ASIC2: variants seen among roughly 807,000 people sequenced by gnomAD.
The protein encoded by ASIC2 is acid-sensing ion channel 2.
In ASIC2, 25 loss-of-function variants were observed where a neutral mutation model predicts 57.3. The observed-to-expected ratio is 0.44, with a 90% CI of 0.32 to 0.61. The LOEUF is 0.61. ASIC2 is among the 20% of genes least tolerant of loss of function. ASIC2 has a pLI of 0.06. For missense variants in ASIC2, 641 were observed against 738.1 expected (o/e 0.87, Z 1.52); for synonymous variants, 319 against 307.5 (o/e 1.04, Z -0.39).
At chr17:33,884,387 G>T (rs1914776166) in intron 1 of ASIC2, among the ~76,000 whole-genome samples, 1 of 152,142 alleles carries the variant, frequency 6.6e-6, no homozygotes, top group South Asian at 2.1e-4. Context: ...ACTGTTGCTT[G>T]TTCCTGGATG....
At chr17:34,069,685 G>A (rs1049326982) in intron 1 of ASIC2, 2 of 152,352 alleles carry the variant, frequency 1.3e-5, no homozygotes, top group African/African-American at 4.8e-5. Context: ...GGAAGACTAA[G>A]CACATGTTAA....
At chr17:34,027,508 C>A (rs981419752) in intron 1 of ASIC2, among the ~76,000 whole-genome samples, 3 of 152,146 alleles carry the variant, frequency 2.0e-5, no homozygotes, top group East Asian at 1.9e-4. Flanking sequence ...ATCTTTTGCT[C>A]CCCAAACCAA....
chr17:33,031,681 T>G (rs1353085148), intron 3 of ASIC2, among the ~76,000 whole-genome samples: 1 of 152,160 alleles, frequency 6.6e-6, no homozygotes, highest in East Asian at 1.9e-4. Context: ...TACTAATCAG[T>G]TATGAGAGAG....
chr17:34,099,113 AGAGAGAGAG>A (rs1910660073), intron 1 of ASIC2, among the ~76,000 whole-genome samples: 1 of 36,100 alleles, frequency 2.8e-5, no homozygotes, highest in Admixed American at 4.1e-4. Flanking sequence ...AGAGAGAGAG[AGAGAGAGAG>A]AGAGAGAGAG....
chr17:33,879,659 G>A (rs561977325), intron 1 of ASIC2, among the ~76,000 whole-genome samples: 17 of 152,280 alleles, frequency 1.1e-4, no homozygotes, highest in Non-Finnish European at 2.1e-4. Flanking sequence ...AATAATGGGA[G>A]ACTTTAACAC....
At chr17:33,634,709 T>TC (rs1330925394) in intron 1 of ASIC2, 2 of 60,460 alleles carry the variant, frequency 3.3e-5, no homozygotes, top group African/African-American at 1.4e-4. Context: ...TTTCTTTCTT[T>TC]CTTTTTTTTT....
At chr17:33,320,372 T>C (rs565020577) in intron 1 of ASIC2, among the ~76,000 whole-genome samples, 110 of 152,304 alleles carry the variant, frequency 7.2e-4, no homozygotes, top group African/African-American at 2.6e-3. Flanking sequence ...TTCATTTTTA[T>C]TGCGATAGCT....
At chr17:34,137,474 G>A (rs1219589779) in intron 1 of ASIC2, among the ~76,000 whole-genome samples, 1 of 152,156 alleles carries the variant, frequency 6.6e-6, no homozygotes, top group African/African-American at 2.4e-5. Context: ...GATAATTAGT[G>A]TCCCTGTGGA....
intron 1 of ASIC2, among the ~76,000 whole-genome samples, chr17:33,647,927 C>G (rs1906797000): frequency 6.6e-6 from 1 of 152,140 alleles, no homozygotes; most frequent in African/African-American, 2.4e-5. Context: ...GGAGAAGGGT[C>G]CTGGATTCCA....
At chr17:33,465,149 G>A (rs1245235265) in intron 1 of ASIC2, among the ~76,000 whole-genome samples, 1 of 152,136 alleles carries the variant, frequency 6.6e-6, no homozygotes, top group Non-Finnish European at 1.5e-5. Context: ...CATATTTCAT[G>A]CTGGCTTCTA....
chr17:33,424,493 G>T (rs1911150119), intron 1 of ASIC2, among the ~76,000 whole-genome samples: 1 of 152,212 alleles, frequency 6.6e-6, no homozygotes, highest in Non-Finnish European at 1.5e-5. Flanking sequence ...TTAGTCTATG[G>T]CAGAGGCCCC....
chr17:33,315,170 G>A (rs1443692911), intron 1 of ASIC2, among the ~76,000 whole-genome samples: 2 of 152,160 alleles, frequency 1.3e-5, no homozygotes, highest in Non-Finnish European at 2.9e-5. Flanking sequence ...TAAATGTGAT[G>A]TGGTATGTCA....
intron 1 of ASIC2, among the ~76,000 whole-genome samples, chr17:33,800,974 G>A (rs1023058232): frequency 6.6e-6 from 1 of 152,140 alleles, no homozygotes; most frequent in Admixed American, 6.5e-5. Context: ...TCAAAGAAAA[G>A]GGTTTATTCT....
rs560831962 is a variant in ASIC2, at chr17:33,790,174, A to C, written c.555+365804T>G. ...TTTACTTTTCAAATGGCATTTTGCAAGATAGAATTCATGAAAATTCTTGAA... is the reference window on the plus strand; with the variant it reads ...TTTACTTTTCAAATGGCATTTTGCACGATAGAATTCATGAAAATTCTTGAA... On this transcript the variant is annotated intron_variant, in intron 1 of 9. Coordinates refer to the ASIC2 transcript ENST00000359872. Among the ~76,000 whole-genome samples the C allele has an allele frequency of 2.8e-4, 43 of 152,346 alleles. No homozygotes were observed. In the South Asian group the frequency reaches 8.5e-3, roughly 30 times the overall value.
At chr17:33,543,461 C>T (rs959777215) in intron 1 of ASIC2, among the ~76,000 whole-genome samples, 1 of 152,138 alleles carries the variant, frequency 6.6e-6, no homozygotes, top group African/African-American at 2.4e-5. Context: ...AAAGTACAGA[C>T]TGTAAATGGC....
intron 3 of ASIC2, among the ~76,000 whole-genome samples, chr17:33,051,038 A>G (rs1364881780): frequency 1.3e-5 from 2 of 152,126 alleles, no homozygotes; most frequent in Non-Finnish European, 2.9e-5. Flanking sequence ...GCCCTGCACT[A>G]CTATCCTATA....
intron 1 of ASIC2, among the ~76,000 whole-genome samples, chr17:33,764,869 C>T (rs1023381719): frequency 7.2e-5 from 11 of 152,128 alleles, no homozygotes; most frequent in Admixed American, 4.6e-4. Context: ...GATACATTCA[C>T]GTGCCTGACT....
At chr17:33,056,707 G>A (rs1019897543) in intron 3 of ASIC2, among the ~76,000 whole-genome samples, 1 of 152,178 alleles carries the variant, frequency 6.6e-6, no homozygotes, top group Non-Finnish European at 1.5e-5. Flanking sequence ...AAATTAATGA[G>A]CAGAATAGGC....
intron 1 of ASIC2, among the ~76,000 whole-genome samples, chr17:33,362,455 G>A (rs1567836010): frequency 6.6e-6 from 1 of 152,234 alleles, no homozygotes; most frequent in Non-Finnish European, 1.5e-5. Flanking sequence ...CTGAAACCAG[G>A]AAGGTCAGGT....
Sources: gnomAD v4.1 joint callset for allele counts (sites outside exome capture counted in the v4.1 genomes callset) on GRCh38, gnomAD v4.1.1 for gene constraint, MANE v1.5 for transcripts, NCBI Gene and HGNC (gene_info 2026-07-23, HGNC 2026-07-21) for gene names.